The following CSMD1 variants were observed in gnomAD, a reference collection of about 807,000 sequenced individuals.
CSMD1 encodes CUB and sushi domain-containing protein 1.
In CSMD1, 213 loss-of-function variants were observed where a neutral mutation model predicts 417.5. The ratio of observed to expected loss-of-function variants is 0.51; its 90% CI spans 0.46 to 0.57. The LOEUF is 0.57. Among genes scored for constraint, CSMD1 ranks in the 20% least tolerant of loss-of-function variants. The pLI is 0.00. For missense variants in CSMD1, 6,923 were observed against 4,529.7 expected (o/e 1.53, Z -15.17); for synonymous variants, 2,862 against 1,736.8 (o/e 1.65, Z -16.11).
chr8:4,195,005 C>G (rs1046716633), intron 3 of CSMD1, among the ~76,000 whole-genome samples: 1 of 151,786 alleles, frequency 6.6e-6, no homozygotes, highest in African/African-American at 2.4e-5. Context: ...AATTTTCCAT[C>G]TCTTCACATT....
chr8:4,800,997 A>G lies in CSMD1; in HGVS notation c.86-163439T>C, dbSNP rs1246102560. On this transcript the variant is annotated intron_variant, in intron 1 of 69. Transcript: ENST00000635120. The stretch of plus-strand genomic sequence containing the variant: ...AGTTTTATCCCAAGTTGTAAGCACA[A>G]CTGCTTGCCTGATGTCTTCAATATC... Among the ~76,000 whole-genome samples, 4 of 152,216 alleles carry G rather than the reference A, an allele frequency of 2.6e-5. No individual in the cohort carries two copies. In the East Asian group the frequency reaches 7.7e-4, roughly 29 times the overall value.
chr8:4,151,179 C>T (rs1002219826), intron 3 of CSMD1, among the ~76,000 whole-genome samples: 5 of 152,142 alleles, frequency 3.3e-5, no homozygotes, highest in African/African-American at 1.2e-4. Context: ...GGAATTCAGG[C>T]AAAATCCTTT....
intron 1 of CSMD1, among the ~76,000 whole-genome samples, chr8:4,642,076 G>T (rs992414518): frequency 2.0e-5 from 3 of 152,156 alleles, no homozygotes; most frequent in African/African-American, 7.2e-5. Flanking sequence ...CCTTGCTTTG[G>T]AGGTGACCTG....
intron 2 of CSMD1, among the ~76,000 whole-genome samples, chr8:4,546,342 G>A (rs1313673827): frequency 1.3e-5 from 2 of 152,130 alleles, no homozygotes; most frequent in African/African-American, 4.8e-5. Context: ...CTGGGGTAAG[G>A]GTTGCCCAGA....
chr8:3,818,953 T>A (rs773112237), intron 5 of CSMD1, among the ~76,000 whole-genome samples: 2 of 152,016 alleles, frequency 1.3e-5, no homozygotes, highest in Non-Finnish European at 2.9e-5. Context: ...TTCTAAGGGG[T>A]TTGGTAGTTG....
At chr8:4,591,490 A>C (rs956905095) in intron 2 of CSMD1, among the ~76,000 whole-genome samples, 2 of 152,202 alleles carry the variant, frequency 1.3e-5, no homozygotes, top group Non-Finnish European at 2.9e-5. Context: ...GTAAACCTGC[A>C]TGGTAGGTCC....
intron 3 of CSMD1, among the ~76,000 whole-genome samples, chr8:4,271,242 A>G (rs1038559202): frequency 1.1e-4 from 17 of 152,220 alleles, no homozygotes; most frequent in Admixed American, 1.0e-3. Flanking sequence ...ATCAGGGCGT[A>G]GTGGACACTC....
In CSMD1 at chr8:4,491,766, C is replaced by A. The variant is rs1441877576; in HGVS notation, c.303-71701G>T. On this transcript the variant is annotated intron_variant, in intron 2 of 69. Coordinates refer to ENST00000635120, the MANE Select transcript of CSMD1 (RefSeq NM_033225.6). Reference sequence around the variant, plus strand: ...GGGCAACAGGAAGGCTCACTCACTGCTGGTGGGAACGCAGAATGGTAGAGT... The same window carrying A: ...GGGCAACAGGAAGGCTCACTCACTGATGGTGGGAACGCAGAATGGTAGAGT... Among the ~76,000 whole-genome samples the A allele has an allele frequency of 2.6e-5, 4 of 152,134 alleles. No individual in the cohort carries two copies. The East Asian group carries it at 7.7e-4, about 29-fold the overall frequency.
At chr8:3,575,591 C>T (rs1294360865) in intron 9 of CSMD1, among the ~76,000 whole-genome samples, 1 of 152,150 alleles carries the variant, frequency 6.6e-6, no homozygotes, top group Non-Finnish European at 1.5e-5. Context: ...CAGATGATCT[C>T]CAAAGTCACT....
intron 12 of CSMD1, among the ~76,000 whole-genome samples, chr8:3,461,501 C>G (rs1466357094): frequency 6.6e-6 from 1 of 152,196 alleles, no homozygotes; most frequent in Non-Finnish European, 1.5e-5. Context: ...ACCCCAGGAG[C>G]TGATTGAGAT....
At chr8:3,795,088 G>C (rs1230054221) in intron 5 of CSMD1, among the ~76,000 whole-genome samples, 1 of 103,800 alleles carries the variant, frequency 9.6e-6, no homozygotes, top group East Asian at 3.7e-4. Flanking sequence ...TACAGCTATA[G>C]ATATATATCT....
intron 5 of CSMD1, among the ~76,000 whole-genome samples, chr8:3,837,295 A>G (rs12542916): frequency 0.37 from 55,888 of 151,666 alleles, 10,975 homozygotes; most frequent in African/African-American, 0.51. Context: ...CTCTTCAACA[A>G]CAGAAGAAAA....
intron 22 of CSMD1, among the ~76,000 whole-genome samples, chr8:3,344,018 C>A (rs950458144): frequency 6.6e-6 from 1 of 152,086 alleles, no homozygotes; most frequent in Admixed American, 6.6e-5. Context: ...AATAGTAATA[C>A]AGAAGTGTGA....
chr8:4,062,668 T>C (rs940238088), intron 3 of CSMD1, among the ~76,000 whole-genome samples: 1 of 151,998 alleles, frequency 6.6e-6, no homozygotes. Context: ...GAAACACAGA[T>C]TCCTTGTGCA....
chr8:3,881,189 C>T (rs942838948), intron 5 of CSMD1, among the ~76,000 whole-genome samples: 2 of 151,726 alleles, frequency 1.3e-5, no homozygotes, highest in South Asian at 4.1e-4. Context: ...GATGGCAATT[C>T]TCTACAAATG....
At chr8:4,325,591 A>T (rs1361052994) in intron 3 of CSMD1, among the ~76,000 whole-genome samples, 1 of 152,184 alleles carries the variant, frequency 6.6e-6, no homozygotes, top group East Asian at 1.9e-4. Context: ...AAGAATTATT[A>T]TAGTAGGCAG....
intron 49 of CSMD1, among the ~76,000 whole-genome samples, chr8:3,075,777 C>T (rs569474325): frequency 2.6e-5 from 4 of 151,458 alleles, no homozygotes; most frequent in South Asian, 4.2e-4. Flanking sequence ...CGCGGTGGCT[C>T]ATGCCTGTAA....
At chr8:4,556,650 G>C (rs7843629) in intron 2 of CSMD1, among the ~76,000 whole-genome samples, 37,928 of 152,126 alleles carry the variant, frequency 0.25, 6,646 homozygotes, top group African/African-American at 0.5. Context: ...TAATAGGATA[G>C]TGATAGTGCA....
intron 3 of CSMD1, among the ~76,000 whole-genome samples, chr8:4,181,944 T>TTG (rs1798399628): frequency 7.7e-5 from 7 of 91,046 alleles, no homozygotes; most frequent in Non-Finnish European, 1.3e-4. Context: ...GTGATTCTGT[T>TTG]TGTCTGTGTC....
Sources: gnomAD v4.1 joint callset for allele counts (sites outside exome capture counted in the v4.1 genomes callset) on GRCh38, gnomAD v4.1.1 for gene constraint, MANE v1.5 for transcripts, NCBI Gene and HGNC (gene_info 2026-07-23, HGNC 2026-07-21) for gene names.